The following PTPRM variants were observed in gnomAD, a reference collection of about 807,000 sequenced individuals.
PTPRM encodes receptor-type tyrosine-protein phosphatase mu.
A neutral mutation model predicts 186.7 loss-of-function variants in PTPRM; 47 were observed. That is an observed-to-expected ratio of 0.25 (90% CI 0.20 to 0.32). The LOEUF (loss-of-function observed/expected upper bound fraction) is 0.32, where lower values mean the gene tolerates loss of function less well. Among genes scored for constraint, PTPRM ranks in the 10% least tolerant of loss-of-function variants. The pLI, the probability that PTPRM is intolerant of heterozygous loss-of-function variation, is 1.00. For synonymous variants in PTPRM, 668 were observed against 674.9 expected (o/e 0.99, Z 0.16); for missense variants, 1,494 against 1,865.0 (o/e 0.80, Z 3.66).
chr18:8,227,813 A>C (rs562060576), intron 14 of PTPRM, among the ~76,000 whole-genome samples: 2 of 152,300 alleles, frequency 1.3e-5, no homozygotes, highest in African/African-American at 4.8e-5. Context: ...TAATGTGCAC[A>C]TGTGGAATTC....
chr18:7,860,264 G>C (rs776790727), intron 2 of PTPRM, among the ~76,000 whole-genome samples: 17 of 151,928 alleles, frequency 1.1e-4, no homozygotes, highest in Non-Finnish European at 2.2e-4. Flanking sequence ...GTAGAGACGG[G>C]GTTTCACCAT....
intron 1 of PTPRM, among the ~76,000 whole-genome samples, chr18:7,617,097 C>T (rs1016634407): frequency 1.3e-5 from 2 of 152,168 alleles, no homozygotes; most frequent in East Asian, 3.9e-4. Context: ...TGCCCTCTTT[C>T]CAGTAGAGAA....
intron 11 of PTPRM, among the ~76,000 whole-genome samples, chr18:8,092,610 T>G (rs910741428): frequency 2.0e-5 from 3 of 152,030 alleles, no homozygotes; most frequent in Non-Finnish European, 4.4e-5. Context: ...AATACTGACA[T>G]GACCCTTCCT....
At chr18:7,890,947 A>G (rs1356094883) in intron 3 of PTPRM, among the ~76,000 whole-genome samples, 1 of 152,142 alleles carries the variant, frequency 6.6e-6, no homozygotes, top group Non-Finnish European at 1.5e-5. Context: ...AAAATCTAAT[A>G]AAGACTGAAA....
chr18:7,826,945 T>A (rs7228457), intron 2 of PTPRM, among the ~76,000 whole-genome samples: 93,124 of 151,112 alleles, frequency 0.62, 28,825 homozygotes, highest in East Asian at 0.78. Flanking sequence ...ATTAAAAAAA[T>A]AAATAAATAA....
intron 1 of PTPRM, among the ~76,000 whole-genome samples, chr18:7,705,939 C>T (rs1022509099): frequency 6.8e-6 from 1 of 147,418 alleles, no homozygotes; most frequent in Non-Finnish European, 1.5e-5. Flanking sequence ...TACAAGAGCA[C>T]TATAGTGATT....
chr18:7,850,145 G>C (rs1344860943), intron 2 of PTPRM, among the ~76,000 whole-genome samples: 1 of 152,142 alleles, frequency 6.6e-6, no homozygotes, highest in African/African-American at 2.4e-5. Flanking sequence ...TGTCAGTCTT[G>C]AATAAGAACT....
At chr18:7,994,862 C>A (rs898031086) in intron 7 of PTPRM, among the ~76,000 whole-genome samples, 7 of 151,710 alleles carry the variant, frequency 4.6e-5, no homozygotes, top group African/African-American at 1.5e-4. Flanking sequence ...ATACCTACAT[C>A]AAAAAGTAGA....
intron 14 of PTPRM, among the ~76,000 whole-genome samples, chr18:8,165,074 CA>C (rs2093299876): frequency 6.6e-6 from 1 of 150,412 alleles, no homozygotes. Flanking sequence ...GAGGCTGAGG[CA>C]GGAGAATTGC....
intron 7 of PTPRM, among the ~76,000 whole-genome samples, chr18:8,062,017 TG>T (rs2088571381): frequency 1.2e-5 from 1 of 84,890 alleles, no homozygotes; most frequent in East Asian, 2.6e-4. Flanking sequence ...CTTGCTAGAC[TG>T]GGGAAGTTCT....
At chr18:7,840,088 G>C (rs900352305) in intron 2 of PTPRM, among the ~76,000 whole-genome samples, 18 of 133,218 alleles carry the variant, frequency 1.4e-4, no homozygotes, top group African/African-American at 4.9e-4. Flanking sequence ...GGGTGGAGGT[G>C]GGGGGGGAGG....
chr18:7,768,638 A>G (rs2042127602), intron 1 of PTPRM, among the ~76,000 whole-genome samples: 1 of 107,586 alleles, frequency 9.3e-6, no homozygotes, highest in South Asian at 3.3e-4. Flanking sequence ...ATAAAGATAT[A>G]TATATATATA....
chr18:7,986,358 C>T (rs575265760), intron 7 of PTPRM, among the ~76,000 whole-genome samples: 5 of 152,274 alleles, frequency 3.3e-5, no homozygotes, highest in African/African-American at 1.2e-4. Context: ...ATATTTTGTA[C>T]TGTATGGTTC....
At chr18:7,759,999 G>C (rs938401492) in intron 1 of PTPRM, among the ~76,000 whole-genome samples, 4 of 152,100 alleles carry the variant, frequency 2.6e-5, no homozygotes, top group African/African-American at 9.7e-5. Context: ...GCCCATGTAG[G>C]ATTGACAATC....
At chr18:8,239,127 T>A (rs9966482) in intron 14 of PTPRM, among the ~76,000 whole-genome samples, 4 of 142,962 alleles carry the variant, frequency 2.8e-5, no homozygotes, top group Non-Finnish European at 6.1e-5. Flanking sequence ...GTATATCTCC[T>A]AATGCTATCC....
chr18:8,248,704 A>G (rs549852563), intron 17 of PTPRM, among the ~76,000 whole-genome samples: 1 of 152,286 alleles, frequency 6.6e-6, no homozygotes, highest in East Asian at 1.9e-4. Flanking sequence ...GGTGCCACTC[A>G]GGGCACCCCA....
At chr18:8,036,368 C>T (rs975722756) in intron 7 of PTPRM, among the ~76,000 whole-genome samples, 6 of 152,146 alleles carry the variant, frequency 3.9e-5, no homozygotes, top group African/African-American at 7.2e-5. Flanking sequence ...GGTGCTTATG[C>T]GTTGGGTAAG....
intron 1 of PTPRM, among the ~76,000 whole-genome samples, chr18:7,710,105 A>G (rs1332253564): frequency 6.6e-6 from 1 of 152,192 alleles, no homozygotes; most frequent in African/African-American, 2.4e-5. Flanking sequence ...AGAGAAACCT[A>G]CAGACCAATA....
At chr18:8,201,685 G>A (rs1029280784) in intron 14 of PTPRM, among the ~76,000 whole-genome samples, 4 of 152,114 alleles carry the variant, frequency 2.6e-5, no homozygotes, top group African/African-American at 7.2e-5. Flanking sequence ...GTGCCCTCTC[G>A]TAGAAGAGAG....
Sources: allele counts gnomAD v4.1 joint callset (sites outside exome capture counted in the v4.1 genomes callset), GRCh38; gene constraint gnomAD v4.1.1; transcripts MANE v1.5; gene names NCBI Gene and HGNC (gene_info 2026-07-23, HGNC 2026-07-21).